CAB39: variants seen among roughly 807,000 people sequenced by gnomAD.
The protein encoded by CAB39 is calcium binding protein 39.
In CAB39, 8 loss-of-function variants were observed where a neutral mutation model predicts 40.0. The observed-to-expected ratio is 0.20, with a 90% CI of 0.12 to 0.36. The LOEUF is 0.36. Among genes scored for constraint, CAB39 ranks in the 10% least tolerant of loss-of-function variants. CAB39 has a pLI of 1.00. For missense variants in CAB39, 270 were observed against 401.1 expected, an observed-to-expected ratio of 0.67 and a Z score of 2.79; for synonymous variants, 156 against 141.6, an observed-to-expected ratio of 1.10 and a Z score of -0.72.
intron 2 of CAB39, among the ~76,000 whole-genome samples, chr2:230,765,784 G>T (rs1479303720): frequency 6.6e-6 from 1 of 151,902 alleles, no homozygotes; most frequent in African/African-American, 2.4e-5. Flanking sequence ...TGTTAAACAG[G>T]GAATGAATAG....
chr2:230,798,729 G>T lies in CAB39; in HGVS notation c.399G>T (p.Gly133=), dbSNP rs1413363303. ...TTTGTTTGGTTTTTTGTTTTTGCAG[G>T]TATGAATCTCCAGAAATAGCTCTAA... The part of the protein sequence containing the change: ...QQNILFMLLK[G]YESPEIALNC... Residue 133 remains glycine, a splice_region_variant and synonymous_variant, in exon 5 of 9, where the codon GGG becomes GGT. Coordinates refer to ENST00000258418, the MANE Select transcript of CAB39 (RefSeq NM_016289.4). 6.3e-7 allele frequency: 1 copy of T among 1,579,232 alleles called. No homozygotes were observed. Among genetic ancestry groups the T allele is most frequent in the Non-Finnish European group, 8.6e-7 (1 of 1,159,854 alleles).
chr2:230,713,450 G>C (rs1694288857), intron 1 of CAB39: 1 of 152,372 alleles, frequency 6.6e-6, no homozygotes, highest in Admixed American at 6.5e-5. Context: ...CTTTGCCTTC[G>C]CCGGCGTGGG....
chr2:230,718,544 C>T (rs1174666194), intron 1 of CAB39, among the ~76,000 whole-genome samples: 1 of 152,208 alleles, frequency 6.6e-6, no homozygotes, highest in Non-Finnish European at 1.5e-5. Context: ...CTGCTGTGGG[C>T]TCTATAACCT....
At chr2:230,781,221 A>C (rs1007102331) in intron 2 of CAB39, among the ~76,000 whole-genome samples, 2 of 152,196 alleles carry the variant, frequency 1.3e-5, no homozygotes, top group African/African-American at 4.8e-5. Context: ...TTTTAATTAG[A>C]AAGTCTTATG....
chr2:230,737,971 G>A (rs574968638), intron 1 of CAB39, among the ~76,000 whole-genome samples: 1 of 152,274 alleles, frequency 6.6e-6, no homozygotes, highest in Non-Finnish European at 1.5e-5. Flanking sequence ...CCTTCTGCCT[G>A]CTTTTTCACC....
At chr2:230,771,710 A>C (rs1182275734) in intron 2 of CAB39, among the ~76,000 whole-genome samples, 1 of 152,244 alleles carries the variant, frequency 6.6e-6, no homozygotes, top group East Asian at 1.9e-4. Context: ...TAGACTTAAA[A>C]AGCTACGGTT....
intron 1 of CAB39, among the ~76,000 whole-genome samples, chr2:230,756,570 A>G (rs894157528): frequency 6.6e-6 from 1 of 152,234 alleles, no homozygotes; most frequent in African/African-American, 2.4e-5. Context: ...GGGTAATTTT[A>G]TTAAGAGTTG....
chr2:230,753,495 C>T (rs1481145444), intron 1 of CAB39, among the ~76,000 whole-genome samples: 1 of 152,120 alleles, frequency 6.6e-6, no homozygotes, highest in Non-Finnish European at 1.5e-5. Flanking sequence ...TGGCTCACAC[C>T]TGTAATCCCA....
chr2:230,809,604 AT>A (rs766209711), intron 5 of CAB39, among the ~76,000 whole-genome samples: 3 of 152,144 alleles, frequency 2.0e-5, no homozygotes, highest in Non-Finnish European at 4.4e-5. Context: ...CTTAGTAAAT[AT>A]TTCTGAATGA....
chr2:230,818,371 C>T (rs928593752), intron 8 of CAB39, 145 bp from the exon 9 acceptor site: 18 of 574,118 alleles, frequency 3.1e-5, no homozygotes, highest in Middle Eastern at 9.3e-4. Flanking sequence ...TGTAAAATAA[C>T]GCCTTCTAAA....
At chr2:230,781,224 G>A (rs77137822) in intron 2 of CAB39, among the ~76,000 whole-genome samples, 2,238 of 152,250 alleles carry the variant, frequency 0.015, 57 homozygotes, top group African/African-American at 0.05. Flanking sequence ...TAATTAGAAA[G>A]TCTTATGTTA....
At chr2:230,715,267 A>G (rs1403349640) in intron 1 of CAB39, among the ~76,000 whole-genome samples, 2 of 152,254 alleles carry the variant, frequency 1.3e-5, no homozygotes, top group African/African-American at 2.4e-5. Flanking sequence ...GATGAAATGC[A>G]GTAGTTAGGC....
intron 2 of CAB39, among the ~76,000 whole-genome samples, chr2:230,762,003 G>C (rs1425983444): frequency 1.3e-5 from 2 of 152,056 alleles, no homozygotes; most frequent in Non-Finnish European, 1.5e-5. Flanking sequence ...TACGTTCCAT[G>C]TTCGAGCAGT....
intron 1 of CAB39, among the ~76,000 whole-genome samples, chr2:230,725,687 C>G (rs1694553815): frequency 6.6e-6 from 1 of 152,134 alleles, no homozygotes; most frequent in Non-Finnish European, 1.5e-5. Flanking sequence ...TAGAATCATC[C>G]TGGAACATAG....
intron 2 of CAB39, among the ~76,000 whole-genome samples, chr2:230,783,589 C>A: frequency 6.6e-6 from 1 of 151,664 alleles, no homozygotes; most frequent in African/African-American, 2.4e-5. Context: ...ACCCCCACCC[C>A]CCAGGCTCAA....
At chr2:230,775,712 C>A (rs1357752481) in intron 2 of CAB39, among the ~76,000 whole-genome samples, 1 of 152,028 alleles carries the variant, frequency 6.6e-6, no homozygotes, top group South Asian at 2.1e-4. Context: ...TGCATGGTTG[C>A]CTTTGTTGTT....
chr2:230,781,709 TAGG>T (rs1347820160), intron 2 of CAB39, among the ~76,000 whole-genome samples: 2 of 152,056 alleles, frequency 1.3e-5, no homozygotes, highest in African/African-American at 4.8e-5. Flanking sequence ...AATGGGGTGG[TAGG>T]AGATGAGAAG....
At chr2:230,797,896 A>C (rs1171046378) in intron 4 of CAB39, among the ~76,000 whole-genome samples, 1 of 152,158 alleles carries the variant, frequency 6.6e-6, no homozygotes, top group East Asian at 1.9e-4. Context: ...TGGGAAATGG[A>C]ATATGACTAG....
rs995191302 is a variant in CAB39, at chr2:230,726,170, AT to A, written c.-44+12951del. 1.2e-3 allele frequency among the ~76,000 whole-genome samples: 179 copies of A among 148,120 alleles called. 1 individual carries two copies. The East Asian group carries it at 0.023, about 19-fold the overall frequency. On this transcript the variant is annotated intron_variant, in intron 1 of 8. Coordinates refer to ENST00000258418, the MANE Select transcript of CAB39 (RefSeq NM_016289.4). ...ATGTTTTTGCTTTTTAATTTAATTA[AT>A]TTTTTTTTTTAGACGGAGTCTCTCT...
Sources: gnomAD v4.1 joint callset for allele counts (sites outside exome capture counted in the v4.1 genomes callset) on GRCh38, gnomAD v4.1.1 for gene constraint, MANE v1.5 for transcripts, NCBI Gene and HGNC (gene_info 2026-07-23, HGNC 2026-07-21) for gene names.